RTN4RL1: variants seen among roughly 807,000 people sequenced by gnomAD.
The protein encoded by RTN4RL1 is reticulon 4 receptor like 1, also known as reticulon-4 receptor-like 1.
A neutral mutation model predicts 25.6 loss-of-function variants in RTN4RL1; 7 were observed. The observed-to-expected ratio is 0.27, with a 90% CI of 0.16 to 0.51. RTN4RL1 has a LOEUF of 0.51. Ranked by LOEUF, RTN4RL1 falls within the 20% of genes least tolerant of loss-of-function variation. The probability of loss-of-function intolerance (pLI) is 0.97; values close to 1 mark genes in which losing one functional copy is unlikely to be tolerated. For missense variants in RTN4RL1, 500 were observed against 615.6 expected, an observed-to-expected ratio of 0.81 and a Z score of 1.99; for synonymous variants, 297 against 288.2, an observed-to-expected ratio of 1.03 and a Z score of -0.31.
intron 1 of RTN4RL1, among the ~76,000 whole-genome samples, chr17:2,007,847 G>A (rs545611324): frequency 6.1e-4 from 93 of 152,284 alleles, no homozygotes; most frequent in Middle Eastern, 6.8e-3. Flanking sequence ...TCAGGAGGCT[G>A]AGGCAGGAGA....
chr17:2,015,278 G>T (rs1371186731), intron 1 of RTN4RL1, among the ~76,000 whole-genome samples: 1 of 152,194 alleles, frequency 6.6e-6, no homozygotes, highest in Non-Finnish European at 1.5e-5. Flanking sequence ...CCATGATGGG[G>T]AAATTGCGGA....
At chr17:2,008,296 C>G (rs534185111) in intron 1 of RTN4RL1, among the ~76,000 whole-genome samples, 1 of 149,712 alleles carries the variant, frequency 6.7e-6, no homozygotes, top group South Asian at 2.1e-4. Context: ...CCACCCCAAA[C>G]TGAGGCTTAG....
intron 1 of RTN4RL1, among the ~76,000 whole-genome samples, chr17:2,023,382 A>C (rs928251337): frequency 1.3e-5 from 2 of 152,198 alleles, no homozygotes; most frequent in African/African-American, 4.8e-5. Context: ...GGTTTCTCCA[A>C]CTAGCCCCAG....
intron 1 of RTN4RL1, among the ~76,000 whole-genome samples, chr17:1,957,653 C>T (rs1372718099): frequency 2.0e-5 from 3 of 151,292 alleles, no homozygotes; most frequent in African/African-American, 7.3e-5. Context: ...CCAGCGTGGC[C>T]AACATGGTGA....
Position 2,024,875 on chromosome 17 carries a change from G to A in RTN4RL1, c.-10C>T, listed in dbSNP as rs1349952647. 2 of 1,584,180 alleles carry A rather than the reference G, an allele frequency of 1.3e-6. No homozygotes were observed. Among genetic ancestry groups the A allele is most frequent in the Non-Finnish European group, 1.7e-6 (2 of 1,166,268 alleles). ...CACCTTTGCGAAGCATGTTGGCCAC[G>A]GGGCCGCCGCTCCGAGGTCGGCCTA... On this transcript the variant is annotated 5_prime_UTR_variant, in exon 1 of 2. Coordinates refer to ENST00000331238, the MANE Select transcript of RTN4RL1 (RefSeq NM_178568.4).
At chr17:2,013,589 A>T (rs113631999) in intron 1 of RTN4RL1, among the ~76,000 whole-genome samples, 7 of 139,396 alleles carry the variant, frequency 5.0e-5, no homozygotes, top group Non-Finnish European at 7.8e-5. Flanking sequence ...TAAATACCCC[A>T]GCTCCCTCAC....
chr17:1,979,662 T>C (rs1310727458), intron 1 of RTN4RL1, among the ~76,000 whole-genome samples: 1 of 152,136 alleles, frequency 6.6e-6, no homozygotes, highest in African/African-American at 2.4e-5. Context: ...TACTAAGATC[T>C]CTGCCTTCCT....
intron 1 of RTN4RL1, among the ~76,000 whole-genome samples, chr17:1,957,296 AT>A (rs1915812231): frequency 6.6e-6 from 1 of 152,096 alleles, no homozygotes; most frequent in South Asian, 2.1e-4. Flanking sequence ...GCTCTCAGAG[AT>A]TCAACCCTTT....
chr17:1,964,128 G>A (rs1160552798), intron 1 of RTN4RL1, among the ~76,000 whole-genome samples: 3 of 152,248 alleles, frequency 2.0e-5, no homozygotes, highest in South Asian at 2.1e-4. Flanking sequence ...CTGGGGCTGC[G>A]CTGTCCAGCA....
intron 1 of RTN4RL1, among the ~76,000 whole-genome samples, chr17:2,014,299 C>T (rs1032202647): frequency 2.0e-5 from 3 of 152,058 alleles, no homozygotes; most frequent in African/African-American, 4.8e-5. Flanking sequence ...CACCAACTGG[C>T]GGGGAAGACA....
intron 1 of RTN4RL1, chr17:2,020,261 C>G (rs1302803263): frequency 6.6e-6 from 1 of 152,238 alleles, no homozygotes; most frequent in African/African-American, 2.4e-5. Context: ...CCCCTCTATA[C>G]TTCCTCTGCA....
intron 1 of RTN4RL1, among the ~76,000 whole-genome samples, chr17:2,014,972 C>T (rs1455022036): frequency 2.0e-5 from 3 of 152,054 alleles, no homozygotes; most frequent in African/African-American, 7.2e-5. Context: ...AGGCCATTCC[C>T]TGATGAAAAA....
chr17:1,991,195 T>C (rs544715165), intron 1 of RTN4RL1, among the ~76,000 whole-genome samples: 2 of 152,254 alleles, frequency 1.3e-5, no homozygotes, highest in African/African-American at 4.8e-5. Context: ...ATTAGAGTTA[T>C]TTGTATTTCA....
intron 1 of RTN4RL1, among the ~76,000 whole-genome samples, chr17:1,941,713 C>T (rs1224013832): frequency 6.6e-6 from 1 of 152,164 alleles, no homozygotes; most frequent in Non-Finnish European, 1.5e-5. Flanking sequence ...TGCCCCTCCT[C>T]CTGGAGAGTA....
At chr17:1,949,436 G>C (rs1915631076) in intron 1 of RTN4RL1, among the ~76,000 whole-genome samples, 1 of 152,212 alleles carries the variant, frequency 6.6e-6, no homozygotes, top group Admixed American at 6.6e-5. Flanking sequence ...CTCACGGGCA[G>C]GCCAAGGTGT....
intron 1 of RTN4RL1, among the ~76,000 whole-genome samples, chr17:1,963,825 G>A (rs1276486416): frequency 2.0e-5 from 3 of 152,078 alleles, no homozygotes; most frequent in South Asian, 2.1e-4. Flanking sequence ...TCCACTTCAC[G>A]GGTTCACGCC....
chr17:2,001,781 C>T (rs973888462), intron 1 of RTN4RL1, among the ~76,000 whole-genome samples: 3 of 152,178 alleles, frequency 2.0e-5, no homozygotes, highest in Admixed American at 2.0e-4. Flanking sequence ...GAGAGCTGGG[C>T]CGGGCTAGGC....
intron 1 of RTN4RL1, among the ~76,000 whole-genome samples, chr17:1,943,184 A>G (rs987119791): frequency 2.0e-5 from 3 of 152,220 alleles, no homozygotes; most frequent in Non-Finnish European, 4.4e-5. Context: ...CATTTCACAA[A>G]GGAGGAAACG....
intron 1 of RTN4RL1, among the ~76,000 whole-genome samples, chr17:1,990,773 T>C (rs528118736): frequency 2.0e-5 from 3 of 152,326 alleles, no homozygotes; most frequent in Admixed American, 6.5e-5. Flanking sequence ...ATGGAACTTT[T>C]TGAGTCCACT....
Sources: allele counts gnomAD v4.1 joint callset (sites outside exome capture counted in the v4.1 genomes callset), GRCh38; gene constraint gnomAD v4.1.1; transcripts MANE v1.5; gene names NCBI Gene and HGNC (gene_info 2026-07-23, HGNC 2026-07-21).